The following NEGR1 variants were observed in gnomAD, a reference collection of about 807,000 sequenced individuals.
NEGR1 encodes the protein neuronal growth regulator 1, also known as IgLON family member 4.
NEGR1 carries 10 observed loss-of-function variants against 40.9 expected under a neutral mutation model. The observed-to-expected ratio is 0.24, with a 90% CI of 0.15 to 0.42. The LOEUF (loss-of-function observed/expected upper bound fraction) is 0.42. NEGR1 is among the 10% of genes least tolerant of loss of function. The pLI is 1.00. For synonymous variants in NEGR1, 185 were observed against 166.8 expected (o/e 1.11, Z -0.84); for missense variants, 352 against 438.9 (o/e 0.80, Z 1.77).
chr1:71,771,270 G>A (rs1656310488), intron 3 of NEGR1, among the ~76,000 whole-genome samples: 1 of 152,100 alleles, frequency 6.6e-6, no homozygotes, highest in Non-Finnish European at 1.5e-5. Flanking sequence ...GACACAGGGA[G>A]GGGAGCATCA....
chr1:71,957,739 G>C (rs1646130826), intron 1 of NEGR1, among the ~76,000 whole-genome samples: 1 of 152,118 alleles, frequency 6.6e-6, no homozygotes, highest in African/African-American at 2.4e-5. Context: ...AAATTCTAGT[G>C]ATTACATAAT....
intron 2 of NEGR1, among the ~76,000 whole-genome samples, chr1:71,916,591 A>G (rs1429198808): frequency 6.6e-6 from 1 of 151,830 alleles, no homozygotes; most frequent in Non-Finnish European, 1.5e-5. Flanking sequence ...CGTCTCTACT[A>G]AAAAAATACA....
chr1:72,152,846 G>C (rs920151625), intron 1 of NEGR1, among the ~76,000 whole-genome samples: 2 of 151,898 alleles, frequency 1.3e-5, no homozygotes, highest in Non-Finnish European at 2.9e-5. Flanking sequence ...CATGGATGCA[G>C]TCAGGGGTCA....
intron 1 of NEGR1, among the ~76,000 whole-genome samples, chr1:71,985,438 G>T (rs1646386361): frequency 6.6e-6 from 1 of 152,092 alleles, no homozygotes; most frequent in South Asian, 2.1e-4. Flanking sequence ...ATAGGGTTGT[G>T]ATATGAGAAA....
chr1:71,622,123 A>C (rs1264644558), intron 4 of NEGR1, among the ~76,000 whole-genome samples: 1 of 151,882 alleles, frequency 6.6e-6, no homozygotes, highest in African/African-American at 2.4e-5. Context: ...AATATGTGTG[A>C]AATTTATTGG....
At chr1:72,187,068 A>G (rs186516607) in intron 1 of NEGR1, among the ~76,000 whole-genome samples, 2 of 151,632 alleles carry the variant, frequency 1.3e-5, no homozygotes, top group African/African-American at 4.8e-5. Context: ...TAGGTGGCCA[A>G]TCTCAAAATG....
At chr1:71,413,090 C>T (rs1646333909) in intron 6 of NEGR1, among the ~76,000 whole-genome samples, 1 of 152,138 alleles carries the variant, frequency 6.6e-6, no homozygotes, top group African/African-American at 2.4e-5. Context: ...TCTAACTGGA[C>T]TAACCTAGGC....
intron 5 of NEGR1, 34 bp from the exon 6 acceptor site, chr1:71,593,002 A>G (rs1183569845): frequency 6.6e-7 from 1 of 1,510,404 alleles, no homozygotes; most frequent in Non-Finnish European, 9.2e-7. Flanking sequence ...GTAAATATGT[A>G]TTGTGAATAC....
chr1:71,916,072 C>G lies in NEGR1; in HGVS notation c.409+19007G>C, dbSNP rs114068785. Among the ~76,000 whole-genome samples the G allele has an allele frequency of 6.8e-3, 1,026 of 151,980 alleles. 13 individuals are homozygous for G. Among genetic ancestry groups the G allele is most frequent in the African/African-American group, 0.023 (960 of 41,434 alleles). On this transcript the variant is annotated intron_variant, in intron 2 of 6. Coordinates refer to ENST00000357731, the MANE Select transcript of NEGR1 (RefSeq NM_173808.3). ...AGTATTCCCAGAGGGTAAGGGTGGGCAAAAGAGAGAAGAGAGGGGCAGAAG... is the reference window on the plus strand; with the variant it reads ...AGTATTCCCAGAGGGTAAGGGTGGGGAAAAGAGAGAAGAGAGGGGCAGAAG...
intron 6 of NEGR1, among the ~76,000 whole-genome samples, chr1:71,502,646 T>A (rs1404180376): frequency 2.0e-5 from 3 of 152,094 alleles, no homozygotes; most frequent in Non-Finnish European, 4.4e-5. Context: ...TGGCTCCCTG[T>A]AGAGGCTATA....
At chr1:71,916,645 A>G (rs1661594450) in intron 2 of NEGR1, among the ~76,000 whole-genome samples, 1 of 152,166 alleles carries the variant, frequency 6.6e-6, no homozygotes, top group African/African-American at 2.4e-5. Flanking sequence ...AATCACAGCT[A>G]CTTGGGAGGC....
At chr1:71,703,875 AT>A (rs1166871344) in intron 3 of NEGR1, among the ~76,000 whole-genome samples, 51 of 152,066 alleles carry the variant, frequency 3.4e-4, no homozygotes, top group South Asian at 6.2e-4. Flanking sequence ...GACAGAAAAA[AT>A]ATATTAAGAA....
intron 1 of NEGR1, among the ~76,000 whole-genome samples, chr1:72,216,406 T>TATATATAC (rs1653820389): frequency 6.8e-6 from 1 of 146,346 alleles, no homozygotes; most frequent in African/African-American, 2.5e-5. Context: ...TATATACATA[T>TATATATAC]ATATATATAT....
At chr1:71,469,388 C>T (rs912280750) in intron 6 of NEGR1, among the ~76,000 whole-genome samples, 7 of 151,994 alleles carry the variant, frequency 4.6e-5, no homozygotes, top group African/African-American at 1.7e-4. Context: ...ATTAAAAAAA[C>T]ATAATTTGCT....
At chr1:72,214,324 C>G (rs1423096334) in intron 1 of NEGR1, among the ~76,000 whole-genome samples, 1 of 152,110 alleles carries the variant, frequency 6.6e-6, no homozygotes, top group Non-Finnish European at 1.5e-5. Flanking sequence ...GATGCCCTCT[C>G]TCACCACTCC....
At chr1:72,200,328 A>G (rs1390951085) in intron 1 of NEGR1, among the ~76,000 whole-genome samples, 1 of 151,984 alleles carries the variant, frequency 6.6e-6, no homozygotes, top group Non-Finnish European at 1.5e-5. Context: ...ATGAAATACT[A>G]TGTAGCCATA....
intron 3 of NEGR1, among the ~76,000 whole-genome samples, chr1:71,699,814 G>T (rs1372887364): frequency 2.0e-5 from 3 of 151,822 alleles, no homozygotes; most frequent in Non-Finnish European, 2.9e-5. Flanking sequence ...TTAAATCATG[G>T]GGGCTGGTCT....
chr1:71,914,055 T>C (rs1175537352), intron 2 of NEGR1, among the ~76,000 whole-genome samples: 2 of 152,154 alleles, frequency 1.3e-5, no homozygotes, highest in Non-Finnish European at 2.9e-5. Flanking sequence ...TATAAGAAGA[T>C]TGTGAGATAT....
chr1:71,996,930 T>C (rs2100371300), intron 1 of NEGR1, among the ~76,000 whole-genome samples: 1 of 152,176 alleles, frequency 6.6e-6, no homozygotes, highest in African/African-American at 2.4e-5. Context: ...TTTGGTTCTA[T>C]ATGGCCCGAA....
Sources: allele counts gnomAD v4.1 joint callset (sites outside exome capture counted in the v4.1 genomes callset), GRCh38; gene constraint gnomAD v4.1.1; transcripts MANE v1.5; gene names NCBI Gene and HGNC (gene_info 2026-07-23, HGNC 2026-07-21).